Variants in NPAS3 observed in about 807,000 individuals in gnomAD.
The protein encoded by NPAS3 is neuronal PAS domain-containing protein 3.
A neutral mutation model predicts 73.1 loss-of-function variants in NPAS3; 14 were observed. The ratio of observed to expected loss-of-function variants is 0.19; its 90% CI spans 0.13 to 0.30. The LOEUF is 0.30. Ranked by LOEUF, NPAS3 falls within the 10% of genes least tolerant of loss-of-function variation. The probability of loss-of-function intolerance (pLI) is 1.00; values close to 1 mark genes in which losing one functional copy is unlikely to be tolerated. For missense variants in NPAS3, 1,096 were observed against 1,250.0 expected, an observed-to-expected ratio of 0.88 and a Z score of 1.86; for synonymous variants, 620 against 541.5, an observed-to-expected ratio of 1.14 and a Z score of -2.01.
intron 4 of NPAS3, among the ~76,000 whole-genome samples, chr14:33,394,896 A>T (rs2047156298): frequency 6.6e-6 from 1 of 152,192 alleles, no homozygotes; most frequent in Non-Finnish European, 1.5e-5. Flanking sequence ...TATTTAAAAT[A>T]TGCACTCAGG....
intron 1 of NPAS3, among the ~76,000 whole-genome samples, chr14:32,986,825 T>C (rs1024361917): frequency 6.6e-6 from 1 of 152,198 alleles, no homozygotes; most frequent in African/African-American, 2.4e-5. Context: ...TACTTTATTT[T>C]TTTTAAGGTG....
At chr14:33,287,222 T>C (rs887390457) in intron 3 of NPAS3, among the ~76,000 whole-genome samples, 8 of 152,188 alleles carry the variant, frequency 5.3e-5, no homozygotes, top group Non-Finnish European at 7.3e-5. Context: ...TTTTATTGTA[T>C]GGGCATCTTG....
chr14:33,377,039 C>A (rs1016809619), intron 4 of NPAS3, among the ~76,000 whole-genome samples: 2 of 152,168 alleles, frequency 1.3e-5, no homozygotes, highest in Admixed American at 6.6e-5. Flanking sequence ...CAATAAAATT[C>A]TCTCAGGTTC....
chr14:33,665,566 A>T (rs10149805), intron 5 of NPAS3, among the ~76,000 whole-genome samples: 1 of 151,908 alleles, frequency 6.6e-6, no homozygotes, highest in East Asian at 1.9e-4. Flanking sequence ...TTGAAACCCC[A>T]TTCTCTGTGA....
At chr14:33,221,149 AC>A (rs2047411337) in intron 3 of NPAS3, among the ~76,000 whole-genome samples, 2 of 152,148 alleles carry the variant, frequency 1.3e-5, no homozygotes, top group African/African-American at 4.8e-5. Context: ...AGAAGGCAGC[AC>A]CTATTTGGAA....
chr14:33,695,499 C>T (rs548675197), intron 6 of NPAS3, among the ~76,000 whole-genome samples: 1 of 152,284 alleles, frequency 6.6e-6, no homozygotes, highest in African/African-American at 2.4e-5. Flanking sequence ...CAAAATCAGA[C>T]TTCACATTGT....
upstream of NPAS3, among the ~76,000 whole-genome samples, chr14:32,938,097 A>G (rs2035757646): frequency 1.3e-5 from 2 of 151,948 alleles, no homozygotes; most frequent in Non-Finnish European, 2.9e-5. Flanking sequence ...GCGGGGATTC[A>G]CCTGTGAACC....
At chr14:33,435,530 G>T (rs986262687) in intron 4 of NPAS3, among the ~76,000 whole-genome samples, 1 of 152,076 alleles carries the variant, frequency 6.6e-6, no homozygotes, top group African/African-American at 2.4e-5. Flanking sequence ...GCCTAAATAT[G>T]TTGAATATAA....
At chr14:33,654,166 C>T (rs4412895) in intron 5 of NPAS3, among the ~76,000 whole-genome samples, 54,928 of 148,250 alleles carry the variant, frequency 0.37, 10,623 homozygotes, top group Non-Finnish European at 0.44. Flanking sequence ...AGGGAATCCA[C>T]AATCCTGTGC....
chr14:33,677,807 A>T (rs1378639015), intron 6 of NPAS3, among the ~76,000 whole-genome samples: 1 of 152,206 alleles, frequency 6.6e-6, no homozygotes, highest in Non-Finnish European at 1.5e-5. Context: ...TAAAAATGAA[A>T]ATACTTTTGT....
rs191607340 is a variant in NPAS3 at position 33,274,663 on chromosome 14, A to G, written c.385+59237A>G. ...CAAGCACAAGCTTTATAAAACTCAGAGTCATCTCAGTTGCATAAATGATAT... is the reference window on the plus strand; with the variant it reads ...CAAGCACAAGCTTTATAAAACTCAGGGTCATCTCAGTTGCATAAATGATAT... On this transcript the variant is annotated intron_variant, in intron 3 of 11. Coordinates refer to ENST00000356141, the Ensembl canonical transcript of NPAS3. Among the ~76,000 whole-genome samples, 23 of 152,294 alleles carry G rather than the reference A, an allele frequency of 1.5e-4. 1 individual carries two copies. Among genetic ancestry groups the G allele is most frequent in the African/African-American group, 5.5e-4 (23 of 41,574 alleles).
intron 7 of NPAS3, among the ~76,000 whole-genome samples, chr14:33,746,837 G>A (rs1053420724): frequency 7.2e-5 from 11 of 152,034 alleles, no homozygotes; most frequent in African/African-American, 2.7e-4. Context: ...CCGGTGTGCT[G>A]CACCCACTAA....
At chr14:33,497,049 C>T (rs1166016379) in intron 4 of NPAS3, among the ~76,000 whole-genome samples, 2 of 152,034 alleles carry the variant, frequency 1.3e-5, no homozygotes, top group Non-Finnish European at 2.9e-5. Flanking sequence ...TCCTATTCAC[C>T]AATAACAGAC....
intron 3 of NPAS3, among the ~76,000 whole-genome samples, chr14:33,231,815 G>A (rs2047862488): frequency 6.6e-6 from 1 of 152,152 alleles, no homozygotes; most frequent in East Asian, 1.9e-4. Flanking sequence ...AGTAAACTTA[G>A]ATGCTTTGTA....
At chr14:33,494,515 T>A (rs910264364) in intron 4 of NPAS3, among the ~76,000 whole-genome samples, 2 of 152,062 alleles carry the variant, frequency 1.3e-5, no homozygotes, top group African/African-American at 4.8e-5. Context: ...CTTCCCAATT[T>A]GGGGACCAGG....
chr14:33,801,170 G>C, downstream of NPAS3: 1 of 1,528,676 alleles, frequency 6.5e-7, no homozygotes, highest in East Asian at 2.4e-5. Context: ...CGGCATTTTC[G>C]TTTAGACCTT....
chr14:33,252,057 CTGTGTGTG>C (rs3057325), intron 3 of NPAS3, among the ~76,000 whole-genome samples: 3,877 of 145,294 alleles, frequency 0.027, 66 homozygotes, highest in Middle Eastern at 0.056. Context: ...GTGTGTGTGT[CTGTGTGTG>C]TGTGTGTGTG....
chr14:33,731,612 GC>G (rs1306709964), intron 6 of NPAS3, among the ~76,000 whole-genome samples: 1 of 152,062 alleles, frequency 6.6e-6, no homozygotes, highest in East Asian at 1.9e-4. Flanking sequence ...ACCGCCTCCT[GC>G]CCCTACATAA....
chr14:33,346,313 G>C (rs12893218), intron 3 of NPAS3, among the ~76,000 whole-genome samples: 59,609 of 150,652 alleles, frequency 0.4, 12,007 homozygotes, highest in Admixed American at 0.52. Flanking sequence ...GGGATTGTTT[G>C]AAGCTCAAGT....
Sources: gnomAD v4.1 joint callset for allele counts (sites outside exome capture counted in the v4.1 genomes callset) on GRCh38, gnomAD v4.1.1 for gene constraint, MANE v1.5 for transcripts, NCBI Gene and HGNC (gene_info 2026-07-23, HGNC 2026-07-21) for gene names.